The following OTUD7A variants were observed in gnomAD, a reference collection of about 807,000 sequenced individuals.
OTUD7A encodes the protein OTU deubiquitinase 7A.
Under a neutral mutation model 65.7 loss-of-function variants are expected in OTUD7A, and 12 were observed. The ratio of observed to expected loss-of-function variants is 0.18; its 90% CI spans 0.12 to 0.30. OTUD7A has a LOEUF of 0.30. Ranked by LOEUF, OTUD7A falls within the 10% of genes least tolerant of loss-of-function variation. OTUD7A has a pLI of 1.00. For synonymous variants in OTUD7A, 641 were observed against 586.3 expected (o/e 1.09, Z -1.35); for missense variants, 1,148 against 1,304.8 (o/e 0.88, Z 1.85).
intron 4 of OTUD7A, among the ~76,000 whole-genome samples, chr15:31,566,337 G>C: frequency 6.6e-6 from 1 of 152,098 alleles, no homozygotes; most frequent in East Asian, 1.9e-4. Context: ...AAAGTCATAA[G>C]GCAAGTGATA....
intron 1 of OTUD7A, among the ~76,000 whole-genome samples, chr15:31,657,524 ATT>A (rs11394976): frequency 6.8e-6 from 1 of 146,764 alleles, no homozygotes; most frequent in Admixed American, 6.8e-5. Flanking sequence ...TGCCCAGCTA[ATT>A]TTTTTTTTGT....
At chr15:31,554,510 C>T (rs1888428420) in intron 5 of OTUD7A, among the ~76,000 whole-genome samples, 1 of 152,234 alleles carries the variant, frequency 6.6e-6, no homozygotes, top group Non-Finnish European at 1.5e-5. Flanking sequence ...GCCCACAAGC[C>T]TCCTCTGTAA....
chr15:31,523,815 C>T (rs970237406), intron 8 of OTUD7A, among the ~76,000 whole-genome samples: 1 of 152,276 alleles, frequency 6.6e-6, no homozygotes, highest in Non-Finnish European at 1.5e-5. Flanking sequence ...GGCAGAGCAA[C>T]TGTGCTTGTG....
At position 31,753,687 on chromosome 15, in the gene OTUD7A, ATATATATATATATAT is replaced by A. The variant is rs1461407901; in HGVS notation, c.-99-96625_-99-96611del. 1.2e-3 allele frequency among the ~76,000 whole-genome samples: 16 copies of A among 13,556 alleles called. No individual in the cohort carries two copies. The South Asian group carries it at 0.061, about 52-fold the overall frequency. The allele number at this position is 13,556 out of a possible 152,430, so 8.9% of individuals were successfully genotyped here. On this transcript the variant is annotated intron_variant, in intron 1 of 12. Transcript: ENST00000307050. The stretch of plus-strand genomic sequence containing the variant: ...CATATATATATATATAACCTGTGAG[ATATATATATATATAT>A]TATATATATATATATATATTATATA...
intron 3 of OTUD7A, among the ~76,000 whole-genome samples, chr15:31,608,446 GCAGACACA>G (rs1310317675): frequency 2.0e-5 from 3 of 152,288 alleles, no homozygotes; most frequent in South Asian, 2.1e-4. Context: ...TTACAGACAT[GCAGACACA>G]CAGACACACA....
At chr15:31,868,862 A>G (rs1897949356) in intron 1 of OTUD7A, among the ~76,000 whole-genome samples, 1 of 152,146 alleles carries the variant, frequency 6.6e-6, no homozygotes, top group Non-Finnish European at 1.5e-5. Context: ...CATTCTTTTC[A>G]CACCAATACA....
At chr15:31,808,583 G>T (rs536215278) in intron 1 of OTUD7A, among the ~76,000 whole-genome samples, 1 of 152,182 alleles carries the variant, frequency 6.6e-6, no homozygotes, top group Non-Finnish European at 1.5e-5. Flanking sequence ...ATATTTAGAA[G>T]TCTGAGTGTA....
chr15:31,722,432 C>G (rs905699389), intron 1 of OTUD7A, among the ~76,000 whole-genome samples: 12 of 152,214 alleles, frequency 7.9e-5, no homozygotes, highest in Non-Finnish European at 1.3e-4. Context: ...GACATGGGTG[C>G]CCACCGACTC....
chr15:31,636,379 C>T (rs1333685855), intron 3 of OTUD7A, among the ~76,000 whole-genome samples: 3 of 152,154 alleles, frequency 2.0e-5, no homozygotes, highest in South Asian at 4.1e-4. Flanking sequence ...TGGGGCACCA[C>T]GAACCACACC....
At position 31,726,211 on chromosome 15, in the gene OTUD7A, A is replaced by G. The variant is rs151147621; in HGVS notation, c.-99-69134T>C. Reference sequence around the variant, plus strand: ...ATATTTAAGCACCAGTGTCTTCCAAATTTAAATCTCTAGCCCTGACTAATA... The same window carrying G: ...ATATTTAAGCACCAGTGTCTTCCAAGTTTAAATCTCTAGCCCTGACTAATA... On this transcript the variant is annotated intron_variant, in intron 1 of 12. Coordinates refer to ENST00000307050, the MANE Select transcript of OTUD7A (RefSeq NM_001382637.1). Among the ~76,000 whole-genome samples the G allele has an allele frequency of 7.0e-3, 1,069 of 152,136 alleles. 13 individuals carry two copies. The highest frequency in any genetic ancestry group is 0.024 in the Middle Eastern group (7 of 292).
intron 5 of OTUD7A, among the ~76,000 whole-genome samples, chr15:31,549,466 G>A (rs1190300332): frequency 6.6e-6 from 1 of 152,188 alleles, no homozygotes; most frequent in Non-Finnish European, 1.5e-5. Context: ...CCGACGGGAT[G>A]TCACTCCTGT....
chr15:31,785,127 G>A (rs1469512555), intron 1 of OTUD7A, among the ~76,000 whole-genome samples: 2 of 152,136 alleles, frequency 1.3e-5, no homozygotes, highest in African/African-American at 2.4e-5. Flanking sequence ...ACACTTTGAT[G>A]GATCTAAATC....
At chr15:31,734,355 A>G (rs1299269908) in intron 1 of OTUD7A, among the ~76,000 whole-genome samples, 1 of 152,258 alleles carries the variant, frequency 6.6e-6, no homozygotes. Flanking sequence ...ATTCAATGCT[A>G]TTCCTATTAA....
intron 1 of OTUD7A, among the ~76,000 whole-genome samples, chr15:31,772,078 C>A (rs1895250679): frequency 6.6e-6 from 1 of 151,508 alleles, no homozygotes; most frequent in Non-Finnish European, 1.5e-5. Flanking sequence ...CGGTGAAACC[C>A]CGTCTCTACT....
chr15:31,752,454 T>C (rs1894663157), intron 1 of OTUD7A, among the ~76,000 whole-genome samples: 2 of 152,202 alleles, frequency 1.3e-5, no homozygotes, highest in South Asian at 4.1e-4. Flanking sequence ...AGTGGCACTG[T>C]GGAATCTAAC....
chr15:31,692,482 G>A (rs1313681159), intron 1 of OTUD7A, among the ~76,000 whole-genome samples: 1 of 113,444 alleles, frequency 8.8e-6, no homozygotes, highest in Non-Finnish European at 2.0e-5. Context: ...CTCAAATGTG[G>A]GAGCAAAAAA....
chr15:31,796,584 C>G (rs1185578419), intron 1 of OTUD7A, among the ~76,000 whole-genome samples: 1 of 152,082 alleles, frequency 6.6e-6, no homozygotes, highest in Non-Finnish European at 1.5e-5. Context: ...TACGGTCTAG[C>G]CAGATTGAAA....
At chr15:31,584,904 A>G (rs1161872839) in intron 3 of OTUD7A, among the ~76,000 whole-genome samples, 1 of 152,186 alleles carries the variant, frequency 6.6e-6, no homozygotes, top group Admixed American at 6.5e-5. Context: ...CTTCCTTGTC[A>G]TATGCCATAA....
intron 10 of OTUD7A, among the ~76,000 whole-genome samples, chr15:31,495,461 C>T (rs1477197241): frequency 6.6e-6 from 1 of 152,168 alleles, no homozygotes; most frequent in African/African-American, 2.4e-5. Flanking sequence ...AGATGACAGA[C>T]TTGAGAAACA....
Sources: gnomAD v4.1 joint callset for allele counts (sites outside exome capture counted in the v4.1 genomes callset) on GRCh38, gnomAD v4.1.1 for gene constraint, MANE v1.5 for transcripts, NCBI Gene and HGNC (gene_info 2026-07-23, HGNC 2026-07-21) for gene names.